Variants in MGAT5 observed in about 807,000 individuals in gnomAD.
MGAT5 encodes the protein alpha-1,6-mannosylglycoprotein 6-beta-N-acetylglucosaminyltransferase A.
MGAT5 carries 30 observed loss-of-function variants against 94.3 expected under a neutral mutation model. That is an observed-to-expected ratio of 0.32 (90% CI 0.24 to 0.43). The LOEUF is 0.43. Ranked by LOEUF, MGAT5 falls within the 20% of genes least tolerant of loss-of-function variation. MGAT5 has a pLI of 1.00. For missense variants in MGAT5, 691 were observed against 905.5 expected, an observed-to-expected ratio of 0.76 and a Z score of 3.04; for synonymous variants, 310 against 322.9, an observed-to-expected ratio of 0.96 and a Z score of 0.43.
chr2:134,363,696 A>C (rs769206039), intron 10 of MGAT5, among the ~76,000 whole-genome samples: 1 of 152,096 alleles, frequency 6.6e-6, no homozygotes, highest in African/African-American at 2.4e-5. Flanking sequence ...AAGGTGGAAA[A>C]CCCTCGGCTG....
chr2:134,201,455 T>G (rs1390910925), intron 1 of MGAT5, among the ~76,000 whole-genome samples: 10 of 152,058 alleles, frequency 6.6e-5, no homozygotes, highest in Non-Finnish European at 1.5e-4. Context: ...AGGGAACCAG[T>G]AGATGGGAGG....
At chr2:134,152,706 G>A (rs1486357877) in intron 1 of MGAT5, among the ~76,000 whole-genome samples, 2 of 152,216 alleles carry the variant, frequency 1.3e-5, no homozygotes, top group African/African-American at 4.8e-5. Flanking sequence ...TCCAAGTTAT[G>A]TGCAAATGTG....
At chr2:134,254,778 A>G (rs2105514816) in intron 1 of MGAT5, 134 bp downstream of exon 1, 1 of 1,253,000 alleles carries the variant, frequency 8.0e-7, no homozygotes, top group Non-Finnish European at 1.1e-6. Flanking sequence ...AATTGCACAC[A>G]GAGAGGCATC....
intron 8 of MGAT5, among the ~76,000 whole-genome samples, chr2:134,347,697 G>C (rs1689003821): frequency 6.6e-6 from 1 of 152,174 alleles, no homozygotes; most frequent in Non-Finnish European, 1.5e-5. Context: ...TTATGTGAAA[G>C]TACTATACCA....
chr2:134,393,069 A>T (rs1682508048), intron 10 of MGAT5, among the ~76,000 whole-genome samples: 1 of 152,192 alleles, frequency 6.6e-6, no homozygotes, highest in Non-Finnish European at 1.5e-5. Flanking sequence ...ATAATTTAAA[A>T]ATCTCATTTG....
chr2:134,386,473 G>A (rs569085446), intron 10 of MGAT5, among the ~76,000 whole-genome samples: 82 of 152,204 alleles, frequency 5.4e-4, no homozygotes, highest in East Asian at 1.3e-3. Flanking sequence ...TAAGTAAATC[G>A]CACTGCTTTA....
At chr2:134,382,548 C>T (rs773732657) in intron 10 of MGAT5, among the ~76,000 whole-genome samples, 1 of 152,082 alleles carries the variant, frequency 6.6e-6, no homozygotes, top group South Asian at 2.1e-4. Flanking sequence ...CTTAGGAACA[C>T]GAGTATTCTA....
intron 7 of MGAT5, among the ~76,000 whole-genome samples, chr2:134,343,440 T>C (rs1038162719): frequency 1.3e-5 from 2 of 152,194 alleles, no homozygotes; most frequent in African/African-American, 4.8e-5. Context: ...CTAGTAGTCT[T>C]TATGCACACT....
intron 1 of MGAT5, among the ~76,000 whole-genome samples, chr2:134,264,761 C>T (rs954793981): frequency 3.3e-5 from 5 of 152,138 alleles, no homozygotes; most frequent in African/African-American, 1.2e-4. Flanking sequence ...TTTTCAATAG[C>T]ACCTTCCTTT....
intron 1 of MGAT5, among the ~76,000 whole-genome samples, chr2:134,255,480 TATATACATATATATACAC>T (rs1682889724): frequency 6.9e-6 from 1 of 144,540 alleles, no homozygotes; most frequent in African/African-American, 2.5e-5. Flanking sequence ...TATATATACA[TATATACATATATATACAC>T]ATATATACAC....
At chr2:134,387,690 A>T (rs1412650070) in intron 10 of MGAT5, among the ~76,000 whole-genome samples, 2 of 152,092 alleles carry the variant, frequency 1.3e-5, no homozygotes, top group Non-Finnish European at 2.9e-5. Context: ...TGTTGGAGGG[A>T]AGGAGAAGAA....
At chr2:134,379,148 T>C (rs899460458) in intron 10 of MGAT5, among the ~76,000 whole-genome samples, 2 of 152,204 alleles carry the variant, frequency 1.3e-5, no homozygotes, top group African/African-American at 4.8e-5. Context: ...CTTGTATCAG[T>C]TCTTTCTCCC....
intron 2 of MGAT5, among the ~76,000 whole-genome samples, chr2:134,298,068 T>C (rs148398680): frequency 4.9e-4 from 75 of 152,272 alleles, no homozygotes; most frequent in African/African-American, 1.7e-3. Flanking sequence ...GTTGAATTAT[T>C]TGTATAAATA....
chr2:134,338,953 A>C (rs1688483614), intron 6 of MGAT5, among the ~76,000 whole-genome samples: 1 of 152,112 alleles, frequency 6.6e-6, no homozygotes, highest in African/African-American at 2.4e-5. Context: ...TGGGCTTAGA[A>C]GACTTTATGC....
intron 1 of MGAT5, among the ~76,000 whole-genome samples, chr2:134,255,488 T>TATATATACACATATATACAC (rs542939598): frequency 7.9e-4 from 118 of 149,496 alleles, no homozygotes; most frequent in Admixed American, 2.6e-3. Flanking sequence ...CATATATACA[T>TATATATACACATATATACAC]ATATATACAC....
chr2:134,374,822 A>C (rs922047942), intron 10 of MGAT5, among the ~76,000 whole-genome samples: 1 of 152,112 alleles, frequency 6.6e-6, no homozygotes, highest in Non-Finnish European at 1.5e-5. Context: ...GCGAAACCCT[A>C]TCTCTTCTAA....
intron 1 of MGAT5, among the ~76,000 whole-genome samples, chr2:134,238,883 C>T (rs1042029127): frequency 2.0e-4 from 31 of 152,134 alleles, no homozygotes; most frequent in African/African-American, 3.4e-4. Flanking sequence ...GTGGAGGTTG[C>T]GGTGAGCCGA....
At chr2:134,169,892 A>G (rs999390253) in intron 1 of MGAT5, among the ~76,000 whole-genome samples, 2 of 152,184 alleles carry the variant, frequency 1.3e-5, no homozygotes, top group South Asian at 2.1e-4. Context: ...CTGATTCTTA[A>G]GGTAAAATCG....
chr2:134,437,585 AT>A (rs1405909679), intron 14 of MGAT5, among the ~76,000 whole-genome samples: 4 of 152,198 alleles, frequency 2.6e-5, no homozygotes, highest in Non-Finnish European at 4.4e-5. Context: ...TCTGATGTAA[AT>A]GATGTGATCT....
Sources: gnomAD v4.1 joint callset for allele counts (sites outside exome capture counted in the v4.1 genomes callset) on GRCh38, gnomAD v4.1.1 for gene constraint, MANE v1.5 for transcripts, NCBI Gene and HGNC (gene_info 2026-07-23, HGNC 2026-07-21) for gene names.